TANGO6: variants seen among roughly 807,000 people sequenced by gnomAD.
TANGO6 encodes transport and golgi organization 6 homolog, also known as transport and Golgi organization protein 6 homolog.
A neutral mutation model predicts 114.2 loss-of-function variants in TANGO6; 90 were observed. The observed-to-expected ratio is 0.79, with a 90% CI of 0.66 to 0.94. The LOEUF is 0.94. Among genes scored for constraint, TANGO6 ranks in the 40% least tolerant of loss-of-function variants. The pLI, the probability that TANGO6 is intolerant of heterozygous loss-of-function variation, is 0.00. For synonymous variants in TANGO6, 477 were observed against 509.8 expected (o/e 0.94, Z 0.87); for missense variants, 1,274 against 1,315.3 (o/e 0.97, Z 0.49).
At chr16:68,951,179 C>T (rs891422837) in intron 14 of TANGO6, among the ~76,000 whole-genome samples, 10 of 151,816 alleles carry the variant, frequency 6.6e-5, no homozygotes, top group Non-Finnish European at 1.2e-4. Context: ...AAAAATTAGC[C>T]GGGTGTGGTA....
intron 6 of TANGO6, among the ~76,000 whole-genome samples, chr16:68,878,987 G>T (rs983320607): frequency 2.6e-5 from 4 of 152,018 alleles, no homozygotes; most frequent in Non-Finnish European, 5.9e-5. Context: ...GATGTGGGAG[G>T]ATCGCTTGAG....
At chr16:68,886,700 G>A (rs905210662) in intron 7 of TANGO6, among the ~76,000 whole-genome samples, 3 of 151,922 alleles carry the variant, frequency 2.0e-5, no homozygotes, top group Non-Finnish European at 2.9e-5. Flanking sequence ...TAGTAGAGAC[G>A]GGGTTTCACC....
intron 14 of TANGO6, among the ~76,000 whole-genome samples, chr16:68,954,502 C>T (rs1051236629): frequency 7.3e-5 from 11 of 151,350 alleles, no homozygotes; most frequent in South Asian, 2.1e-4. Flanking sequence ...AAACAAAGTT[C>T]TGCTGCTCAA....
At chr16:68,901,752 T>TG in intron 8 of TANGO6, among the ~76,000 whole-genome samples, 1 of 152,148 alleles carries the variant, frequency 6.6e-6, no homozygotes, top group East Asian at 1.9e-4. Flanking sequence ...CCTCACAAAA[T>TG]GCTGGGATTA....
At chr16:68,947,980 A>G (rs1256638037) in intron 14 of TANGO6, among the ~76,000 whole-genome samples, 1 of 152,020 alleles carries the variant, frequency 6.6e-6, no homozygotes, top group Non-Finnish European at 1.5e-5. Flanking sequence ...GCCATTTTAC[A>G]GGGATTCCCA....
chr16:69,020,787 C>T (rs1172374036), intron 15 of TANGO6, among the ~76,000 whole-genome samples: 2 of 152,064 alleles, frequency 1.3e-5, no homozygotes, highest in African/African-American at 4.8e-5. Flanking sequence ...TTCCCAGCTA[C>T]TCTGGAGGCT....
rs1963710003 is a variant in TANGO6, at chr16:68,971,975, G to A, written c.2702-2053G>A. ...CTATGCTACAATATTCCATAACTCC[G>A]TGTTGAACCTCCAAGGACTTCTTCA... is the stretch of plus-strand genomic sequence containing the variant. On this transcript the variant is annotated intron_variant, in intron 14 of 17. Coordinates refer to ENST00000261778, the MANE Select transcript of TANGO6 (RefSeq NM_024562.2). Among the ~76,000 whole-genome samples, 4 of 152,022 alleles carry A rather than the reference G, an allele frequency of 2.6e-5. No individual in the cohort carries two copies. The South Asian group carries it at 6.2e-4, about 24-fold the overall frequency.
At chr16:68,911,258 C>T (rs1962919057) in intron 11 of TANGO6, among the ~76,000 whole-genome samples, 1 of 151,618 alleles carries the variant, frequency 6.6e-6, no homozygotes, top group African/African-American at 2.4e-5. Context: ...AGCTTAAAAC[C>T]CTGTAATATT....
intron 9 of TANGO6, among the ~76,000 whole-genome samples, chr16:68,905,336 G>A (rs1419616374): frequency 1.3e-5 from 2 of 151,908 alleles, no homozygotes; most frequent in African/African-American, 2.4e-5. Context: ...AGGAGTTTGA[G>A]ACCAGCCTGG....
At chr16:69,060,297 T>C (rs1960095170) in intron 17 of TANGO6, among the ~76,000 whole-genome samples, 1 of 152,136 alleles carries the variant, frequency 6.6e-6, no homozygotes, top group Non-Finnish European at 1.5e-5. Context: ...GGACTACAGG[T>C]GTGAGCCACT....
chr16:68,855,623 G>A (rs1567524081), intron 1 of TANGO6, among the ~76,000 whole-genome samples: 1 of 151,584 alleles, frequency 6.6e-6, no homozygotes, highest in African/African-American at 2.4e-5. Context: ...GGTGGTGCAT[G>A]CCTGTAATCC....
intron 17 of TANGO6, among the ~76,000 whole-genome samples, chr16:69,083,161 A>T (rs1275038265): frequency 7.1e-6 from 1 of 141,612 alleles, no homozygotes; most frequent in Non-Finnish European, 1.5e-5. Context: ...CCAGGCTCAG[A>T]TGATCCTCCC....
intron 1 of TANGO6, among the ~76,000 whole-genome samples, chr16:68,845,510 G>T (rs377617225): frequency 3.3e-5 from 5 of 152,242 alleles, no homozygotes; most frequent in African/African-American, 1.2e-4. Context: ...TATATTATAT[G>T]AATCTGTCTA....
intron 2 of TANGO6, among the ~76,000 whole-genome samples, chr16:68,861,792 G>C (rs1420611487): frequency 1.3e-5 from 2 of 152,114 alleles, no homozygotes; most frequent in African/African-American, 4.8e-5. Context: ...TATGTGAAAC[G>C]GTAATGGGCA....
intron 12 of TANGO6, among the ~76,000 whole-genome samples, chr16:68,926,512 AT>A (rs1963169283): frequency 6.6e-6 from 1 of 152,018 alleles, no homozygotes; most frequent in African/African-American, 2.4e-5. Context: ...AAAGAAAAAA[AT>A]AAAAATAAAA....
At chr16:68,884,831 A>T (rs1567531887) in intron 7 of TANGO6, among the ~76,000 whole-genome samples, 1 of 152,194 alleles carries the variant, frequency 6.6e-6, no homozygotes, top group South Asian at 2.1e-4. Context: ...AAAAAGAGGG[A>T]GGAAACCTTT....
Position 69,072,122 on chromosome 16 carries a change from CGTGT to C in TANGO6, c.3109-11334_3109-11331del, listed in dbSNP as rs10687062. Among the ~76,000 whole-genome samples the C allele has an allele frequency of 1.9e-3, 225 of 116,636 alleles. 2 individuals are homozygous for C. In the East Asian group the frequency reaches 0.033, roughly 17 times the overall value. 76.5% of individuals were successfully genotyped at this position (116,636 alleles called of 152,430 possible). On this transcript the variant is annotated intron_variant, in intron 17 of 17. Transcript: ENST00000261778. Reference sequence around the variant, plus strand: ...TGTATGTGTGAAGAGAGAGGGAGACCGTGTGTGTGTGTGTGTGTGTGTGTGTGTG... The same window carrying C: ...TGTATGTGTGAAGAGAGAGGGAGACCGTGTGTGTGTGTGTGTGTGTGTGTG...
chr16:68,852,670 A>G (rs2152152063), intron 1 of TANGO6, among the ~76,000 whole-genome samples: 1 of 152,110 alleles, frequency 6.6e-6, no homozygotes. Context: ...ACATCTCTAC[A>G]AAAGATGAAA....
At chr16:69,072,780 CA>C (rs1960316390) in intron 17 of TANGO6, among the ~76,000 whole-genome samples, 1 of 152,116 alleles carries the variant, frequency 6.6e-6, no homozygotes, top group African/African-American at 2.4e-5. Flanking sequence ...GGGTTTTGCA[CA>C]GGCAGTATTG....
Sources: allele counts gnomAD v4.1 joint callset (sites outside exome capture counted in the v4.1 genomes callset), GRCh38; gene constraint gnomAD v4.1.1; transcripts MANE v1.5; gene names NCBI Gene and HGNC (gene_info 2026-07-23, HGNC 2026-07-21).